Variants in MAGI2 observed in about 807,000 individuals in gnomAD.
The protein encoded by MAGI2 is membrane associated guanylate kinase, WW and PDZ domain containing 2.
A neutral mutation model predicts 133.3 loss-of-function variants in MAGI2; 35 were observed. The observed-to-expected ratio is 0.26, with a 90% CI of 0.20 to 0.35. The LOEUF (loss-of-function observed/expected upper bound fraction) is 0.35. Ranked by LOEUF, MAGI2 falls within the 10% of genes least tolerant of loss-of-function variation. MAGI2 has a pLI of 1.00. For missense variants in MAGI2, 1,636 were observed against 1,863.4 expected, an observed-to-expected ratio of 0.88 and a Z score of 2.25; for synonymous variants, 729 against 710.6, an observed-to-expected ratio of 1.03 and a Z score of -0.41.
intron 6 of MAGI2, among the ~76,000 whole-genome samples, chr7:78,377,651 AAT>A (rs1399333677): frequency 6.6e-6 from 1 of 151,268 alleles, no homozygotes; most frequent in African/African-American, 2.4e-5. Context: ...AAATAATAAT[AAT>A]AATAAAAAAT....
intron 12 of MAGI2, 137 bp from the exon 13 acceptor site, chr7:78,185,807 A>G (rs950471414): frequency 1.8e-6 from 1 of 556,306 alleles, no homozygotes; most frequent in Non-Finnish European, 3.1e-6. Context: ...TTTTTCCTCT[A>G]AGATCCAAGT....
intron 1 of MAGI2, among the ~76,000 whole-genome samples, chr7:79,194,986 G>A (rs190132372): frequency 6.6e-6 from 1 of 152,082 alleles, no homozygotes; most frequent in East Asian, 1.9e-4. Context: ...TCATTTAGGA[G>A]AAGCTCTTGG....
chr7:78,165,780 T>A (rs918073745), intron 15 of MAGI2, among the ~76,000 whole-genome samples: 2 of 152,198 alleles, frequency 1.3e-5, no homozygotes, highest in South Asian at 4.1e-4. Context: ...ACAGCAACAG[T>A]CCTTGAAAAG....
intron 14 of MAGI2, among the ~76,000 whole-genome samples, chr7:78,172,867 A>G (rs1826246073): frequency 6.6e-6 from 1 of 152,152 alleles, no homozygotes; most frequent in Non-Finnish European, 1.5e-5. Flanking sequence ...CTTATGGGAG[A>G]TCTTTACAGT....
At chr7:78,776,912 T>C (rs1826030635) in intron 2 of MAGI2, among the ~76,000 whole-genome samples, 1 of 152,240 alleles carries the variant, frequency 6.6e-6, no homozygotes, top group South Asian at 2.1e-4. Context: ...ATGATTGATA[T>C]ATGATTGAAT....
At chr7:78,627,594 A>G (rs934124963) in intron 2 of MAGI2, among the ~76,000 whole-genome samples, 2 of 152,218 alleles carry the variant, frequency 1.3e-5, no homozygotes, top group Non-Finnish European at 2.9e-5. Context: ...CACTCCATGA[A>G]TGAACCTCTA....
chr7:79,333,490 T>C (rs1461843417), intron 1 of MAGI2, among the ~76,000 whole-genome samples: 1 of 152,206 alleles, frequency 6.6e-6, no homozygotes, highest in Non-Finnish European at 1.5e-5. Context: ...ATAGAATTCC[T>C]CTTATCTATA....
At chr7:79,021,585 C>T (rs1809337539) in intron 1 of MAGI2, among the ~76,000 whole-genome samples, 1 of 152,170 alleles carries the variant, frequency 6.6e-6, no homozygotes, top group Admixed American at 6.5e-5. Flanking sequence ...AGGCCAATTT[C>T]TCCTATTTGG....
intron 2 of MAGI2, among the ~76,000 whole-genome samples, chr7:78,902,244 C>T (rs769118181): frequency 1.3e-5 from 2 of 152,068 alleles, no homozygotes; most frequent in Non-Finnish European, 2.9e-5. Flanking sequence ...ATTATACTCC[C>T]TAGGACTGGG....
At chr7:79,396,480 G>C (rs1041127093) in intron 1 of MAGI2, among the ~76,000 whole-genome samples, 4 of 152,068 alleles carry the variant, frequency 2.6e-5, no homozygotes, top group Admixed American at 2.6e-4. Context: ...CTTTTTTCTT[G>C]AGTTCACTTC....
intron 9 of MAGI2, among the ~76,000 whole-genome samples, chr7:78,303,647 C>T (rs1267974660): frequency 6.6e-6 from 1 of 152,098 alleles, no homozygotes; most frequent in African/African-American, 2.4e-5. Context: ...CTTTTTCAAG[C>T]CCAACTTAGA....
intron 2 of MAGI2, among the ~76,000 whole-genome samples, chr7:78,920,774 A>G (rs947575935): frequency 1.1e-4 from 16 of 152,184 alleles, no homozygotes; most frequent in Non-Finnish European, 1.5e-5. Context: ...TACCCAGCCT[A>G]AAATAAAATG....
chr7:78,363,160 C>T (rs1036038411), intron 7 of MAGI2, among the ~76,000 whole-genome samples: 1 of 152,144 alleles, frequency 6.6e-6, no homozygotes, highest in African/African-American at 2.4e-5. Context: ...GAAGGCTCAA[C>T]GCCTTTGGAA....
intron 14 of MAGI2, among the ~76,000 whole-genome samples, chr7:78,169,450 G>T (rs1210594785): frequency 4.7e-5 from 1 of 21,222 alleles, no homozygotes; most frequent in Non-Finnish European, 9.4e-5. Context: ...CTAATTTGCA[G>T]AGTTGCTCCA....
At chr7:78,545,745 T>C (rs1232314343) in intron 3 of MAGI2, among the ~76,000 whole-genome samples, 2 of 152,204 alleles carry the variant, frequency 1.3e-5, no homozygotes, top group African/African-American at 4.8e-5. Flanking sequence ...GTGTAGAACA[T>C]ATTGATATTT....
chr7:78,343,465 G>A (rs1283746745), intron 9 of MAGI2, among the ~76,000 whole-genome samples: 1 of 152,140 alleles, frequency 6.6e-6, no homozygotes, highest in African/African-American at 2.4e-5. Flanking sequence ...TTAGAAAAGT[G>A]TGAAATGTTA....
chr7:78,513,155 A>G (rs1021584656), intron 4 of MAGI2, among the ~76,000 whole-genome samples: 1 of 152,152 alleles, frequency 6.6e-6, no homozygotes, highest in Non-Finnish European at 1.5e-5. Context: ...ATAGTATTAT[A>G]TAAAACAGGA....
chr7:78,098,741 A>T (rs1366588041), intron 20 of MAGI2, among the ~76,000 whole-genome samples: 1 of 152,170 alleles, frequency 6.6e-6, no homozygotes, highest in African/African-American at 2.4e-5. Flanking sequence ...GTAAGCTCCC[A>T]GTTCTCCACA....
intron 2 of MAGI2, among the ~76,000 whole-genome samples, chr7:78,708,965 A>G (rs567258610): frequency 6.6e-6 from 1 of 152,024 alleles, no homozygotes; most frequent in Non-Finnish European, 1.5e-5. Flanking sequence ...ATACCCTTCC[A>G]ATCTGTCTCC....
Sources: gnomAD v4.1 joint callset for allele counts (sites outside exome capture counted in the v4.1 genomes callset) on GRCh38, gnomAD v4.1.1 for gene constraint, MANE v1.5 for transcripts, NCBI Gene and HGNC (gene_info 2026-07-23, HGNC 2026-07-21) for gene names.